The following ITGAL variants were observed in gnomAD, a reference collection of about 807,000 sequenced individuals.
ITGAL encodes the protein integrin alpha-L.
In ITGAL, 68 loss-of-function variants were observed where a neutral mutation model predicts 138.4. The ratio of observed to expected loss-of-function variants is 0.49; its 90% confidence interval spans 0.40 to 0.60. The LOEUF (loss-of-function observed/expected upper bound fraction) is 0.60, where lower values mean the gene tolerates loss of function less well. Ranked by LOEUF, ITGAL falls within the 20% of genes least tolerant of loss-of-function variation. The pLI is 0.00. For missense variants in ITGAL, 1,256 were observed against 1,478.6 expected (o/e 0.85, Z 2.47); for synonymous variants, 561 against 584.3 (o/e 0.96, Z 0.57).
intron 22 of ITGAL, 106 bp downstream of exon 22, chr16:30,510,577 G>A: frequency 1.4e-6 from 1 of 722,860 alleles, no homozygotes; most frequent in Middle Eastern, 2.9e-4. Flanking sequence ...TGTCAAGAAG[G>A]GTGTACCTTG....
chr16:30,519,080 G>A lies in ITGAL; in HGVS notation c.3228+361G>A, dbSNP rs548594461. Among the ~76,000 whole-genome samples, 9 of 152,182 alleles carry A rather than the reference G, an allele frequency of 5.9e-5. No individual in the cohort carries two copies. The South Asian group carries it at 6.2e-4, about 11-fold the overall frequency. ...CTCTACAAAAATACAAAAATTAGCC[G>A]GGCATGATGGTGGGCGCCTGTAATC... On this transcript the variant is annotated intron_variant, in intron 29 of 30. Transcript: ENST00000356798.
Position 30,494,160 on chromosome 16 carries a change from G to A in ITGAL, c.1214-52G>A. On this transcript the variant is annotated intron_variant, in intron 11 of 30. Coordinates refer to ENST00000356798, the MANE Select transcript of ITGAL (RefSeq NM_002209.3). This position sits in a 1 kb window ranked among gnomAD's most constrained non-coding sequence, Gnocchi z 4.2. ...GGCCCCTGCCCCTCTCCTGCTGGGT[G>A]TTCTTCCAGCATCCTGTGTTCCTAA... 6.7e-7 allele frequency: 1 copy of A among 1,497,418 alleles called. No homozygotes were observed. The highest frequency in any genetic ancestry group is 9.1e-7 in the Non-Finnish European group (1 of 1,103,824). The allele number at this position is 1,497,418 out of a possible 1,614,324, so 92.8% of individuals were successfully genotyped here.
intron 11 of ITGAL, among the ~76,000 whole-genome samples, chr16:30,489,781 C>A (rs1422284063): frequency 1.3e-5 from 2 of 151,762 alleles, no homozygotes; most frequent in African/African-American, 4.8e-5. Context: ...ACTAAAAATA[C>A]AAAAGTTAGC....
intron 9 of ITGAL, among the ~76,000 whole-genome samples, chr16:30,485,708 T>C (rs1389106092): frequency 6.6e-6 from 1 of 151,498 alleles, no homozygotes; most frequent in Non-Finnish European, 1.5e-5. Flanking sequence ...ATTTTTTGTA[T>C]TTTTTGTAGA....
At chr16:30,493,580 A>G (rs944530732) in intron 11 of ITGAL, among the ~76,000 whole-genome samples, 2 of 151,980 alleles carry the variant, frequency 1.3e-5, no homozygotes, top group African/African-American at 4.8e-5. Flanking sequence ...CTGGACTCCC[A>G]TTTTAATTTA....
Position 30,522,545 on chromosome 16 carries a change from GCTATACTTGT to G in ITGAL, c.*883_*892del, listed in dbSNP as rs2051269207. 1.3e-5 allele frequency: 2 copies of G among 152,260 alleles called. No individual in the cohort carries two copies. Among genetic ancestry groups the G allele is most frequent in the African/African-American group, 4.8e-5 (2 of 41,538 alleles). 9.4% of individuals were successfully genotyped at this position (152,260 alleles called of 1,614,324 possible). A position where few individuals can be genotyped will look rare whatever the true frequency, so the allele number is the denominator to read the frequency against. On this transcript the variant is annotated 3_prime_UTR_variant, in exon 31 of 31. Transcript: ENST00000356798. The surrounding 1 kb of genome is among the most constrained non-coding windows in gnomAD (Gnocchi z 4.0). ...CTCTCAGTGAACTGTGAGGGTAAAG[GCTATACTTGT>G]CTTGTTCACCTTGGGATGATGCCTC...
rs763424047 is a variant in ITGAL at position 30,496,418 on chromosome 16, T to C, written c.1702-18T>C. 1 of 1,614,014 alleles carries C rather than the reference T, an allele frequency of 6.2e-7. No homozygotes were observed. The highest frequency in any genetic ancestry group is 8.5e-7 in the Non-Finnish European group (1 of 1,179,990). On this transcript the variant is annotated intron_variant, in intron 14 of 30. Transcript: ENST00000356798. The stretch of plus-strand genomic sequence containing the variant: ...CTACCTCTCCTCAGCTTAGTGGCAA[T>C]TTCTTTCTTGCTCTCAGCGGATAGA...
rs2050948895 is a variant in ITGAL, at chr16:30,504,206, A to C, written c.2177A>C (p.Asn726Thr). The C allele has an allele frequency of 6.2e-7, 1 of 1,613,724 alleles. No individual in the cohort carries two copies. The highest frequency in any genetic ancestry group is 8.5e-7 in the Non-Finnish European group (1 of 1,179,662). The change falls in exon 18 of 31, where the codon AAT (asparagine) becomes ACT (threonine). Residue 726 changes from asparagine (N) to threonine (T), a missense_variant. Coordinates refer to ENST00000356798, the MANE Select transcript of ITGAL (RefSeq NM_002209.3). ...GTTCAAGACCTCATCTCCCCCATCA[A>C]TGTTTCCCTGAATTTCTCTCTTTGG... Reference protein sequence around the residue: ...VCVQDLISPINVSLNFSLWEE... With the variant: ...VCVQDLISPITVSLNFSLWEE...
chr16:30,496,678 GT>G, intron 15 of ITGAL, 112 bp downstream of exon 15: 1 of 1,043,780 alleles, frequency 9.6e-7, no homozygotes, highest in East Asian at 3.0e-5. Flanking sequence ...GTCTCTCTTT[GT>G]TGCTCAGGCT....
At chr16:30,520,200 G>A (rs761335288) in intron 30 of ITGAL, among the ~76,000 whole-genome samples, 3 of 152,166 alleles carry the variant, frequency 2.0e-5, no homozygotes, top group Non-Finnish European at 4.4e-5. Context: ...TTTGGAGGCC[G>A]AGGCAGGTGG....
chr16:30,501,501 C>G (rs2050896999), intron 17 of ITGAL, among the ~76,000 whole-genome samples: 1 of 150,608 alleles, frequency 6.6e-6, no homozygotes, highest in Non-Finnish European at 1.5e-5. Context: ...CACTTGAACC[C>G]AGGAGATGGA....
At chr16:30,505,663 G>A (rs1237460529) in intron 20 of ITGAL, among the ~76,000 whole-genome samples, 4 of 151,956 alleles carry the variant, frequency 2.6e-5, no homozygotes, top group East Asian at 1.9e-4. Flanking sequence ...GGGAAGATTC[G>A]TTAAGGCCAA....
intron 7 of ITGAL, among the ~76,000 whole-genome samples, chr16:30,483,561 C>T (rs1383114919): frequency 6.6e-6 from 1 of 152,194 alleles, no homozygotes; most frequent in Non-Finnish European, 1.5e-5. Context: ...AGAGTCATTC[C>T]TCACAAAACC....
intron 24 of ITGAL, among the ~76,000 whole-genome samples, chr16:30,512,461 C>T (rs1298109363): frequency 6.6e-6 from 1 of 151,602 alleles, no homozygotes; most frequent in Non-Finnish European, 1.5e-5. Context: ...GTGGCAGGCA[C>T]CTATAATCCC....
At chr16:30,479,296 T>C in intron 5 of ITGAL, 35 bp from the exon 6 acceptor site, 1 of 1,613,564 alleles carries the variant, frequency 6.2e-7, no homozygotes, top group South Asian at 1.1e-5. Context: ...ACACCAGAGA[T>C]GCTTCACTGG....
chr16:30,493,202 T>G (rs2050748017), intron 11 of ITGAL, among the ~76,000 whole-genome samples: 1 of 151,898 alleles, frequency 6.6e-6, no homozygotes, highest in African/African-American at 2.4e-5. Context: ...TGCTTTATTT[T>G]TAATATCCAT....
At chr16:30,474,849 T>C (rs978761108) in intron 2 of ITGAL, among the ~76,000 whole-genome samples, 2 of 142,808 alleles carry the variant, frequency 1.4e-5, no homozygotes, top group Non-Finnish European at 3.0e-5. Context: ...GCATCTTCTT[T>C]TTTTTTTTTT....
rs1254977508 is a variant in ITGAL, at chr16:30,522,702, GT to G, written c.*1038del. ...GGGCTGGGCGCGGTGGTTCACGCCT[GT>G]AATCCCAGCACTTTGGGAGGCCAAG... On this transcript the variant is annotated 3_prime_UTR_variant, in exon 31 of 31. Transcript: ENST00000356798. The surrounding 1 kb of genome is among the most constrained non-coding windows in gnomAD (Gnocchi z 4.0). 6.6e-6 allele frequency: 1 copy of G among 152,274 alleles called. No homozygotes were observed. The highest frequency in any genetic ancestry group is 1.5e-5 in the Non-Finnish European group (1 of 68,100). The allele number at this position is 152,274 out of a possible 1,614,324, so 9.4% of individuals were successfully genotyped here.
rs911467073 is a variant in ITGAL, at chr16:30,502,225, G to A, written c.2146-1950G>A. The stretch of plus-strand genomic sequence containing the variant: ...ATCCTGGCTAACACGGTGAAACCCC[G>A]TCTCTACTAAAAATACAAAAAATTA... On this transcript the variant is annotated intron_variant, in intron 17 of 30. Coordinates refer to ENST00000356798, the MANE Select transcript of ITGAL (RefSeq NM_002209.3). 2.4e-4 allele frequency among the ~76,000 whole-genome samples: 36 copies of A among 150,344 alleles called. 1 individual carries two copies. The highest frequency in any genetic ancestry group is 5.3e-4 in the Admixed American group (8 of 15,084).
Sources: gnomAD v4.1 joint callset for allele counts (sites outside exome capture counted in the v4.1 genomes callset) on GRCh38, gnomAD v4.1.1 for gene constraint, Gnocchi (gnomAD v3.1) non-coding constraint, MANE v1.5 for transcripts, NCBI Gene and HGNC (gene_info 2026-07-23, HGNC 2026-07-21) for gene names.